Variants in BLTP2 observed in about 807,000 individuals in gnomAD.
BLTP2 encodes the protein U937-associated antigen.
At chr17:28,641,638 C>CT in the BLTP2 span, among the ~76,000 whole-genome samples, 418 of 146,998 alleles carry the variant, frequency 2.8e-3, 1 homozygote, top group Middle Eastern at 0.01. Context: ...AAGACTCCAT[C>CT]TTTTTTTTTA....
the BLTP2 span, among the ~76,000 whole-genome samples, chr17:28,625,505 T>C: frequency 1.3e-5 from 2 of 152,136 alleles, no homozygotes; most frequent in Non-Finnish European, 2.9e-5. Context: ...ATTATATTGA[T>C]ACCTTACTAG....
the BLTP2 span, chr17:28,639,679 TG>T: frequency 1.3e-6 from 2 of 1,593,182 alleles, no homozygotes; most frequent in Non-Finnish European, 1.7e-6. Context: ...AGGAGAGCAC[TG>T]GAAGGGCAAG....
At chr17:28,617,109 G>A in the BLTP2 span, 1 of 1,182,042 alleles carries the variant, frequency 8.5e-7, no homozygotes, top group South Asian at 1.3e-5. Context: ...GCTAAGCTGG[G>A]CAAGCTTTCA....
chr17:28,639,968 C>G, the BLTP2 span: 3 of 1,613,990 alleles, frequency 1.9e-6, no homozygotes, highest in African/African-American at 2.7e-5. Flanking sequence ...GAAGGGGCAG[C>G]TGATCCTCAT....
At chr17:28,641,305 A>G in the BLTP2 span, among the ~76,000 whole-genome samples, 1 of 152,182 alleles carries the variant, frequency 6.6e-6, no homozygotes, top group Admixed American at 6.5e-5. Context: ...GTGGATCCGC[A>G]CAGCTCAAAC....
chr17:28,627,557 C>T, the BLTP2 span, among the ~76,000 whole-genome samples: 2 of 152,144 alleles, frequency 1.3e-5, no homozygotes, highest in East Asian at 3.9e-4. Flanking sequence ...CAAGCACCCG[C>T]CACCATGCAC....
the BLTP2 span, chr17:28,616,077 G>A: frequency 6.3e-7 from 1 of 1,587,356 alleles, no homozygotes; most frequent in East Asian, 2.2e-5. This position sits in a 1 kb window ranked among gnomAD's most constrained non-coding sequence, Gnocchi z 4.8. Context: ...GTTCTACAAA[G>A]TGCTTGAGAG....
chr17:28,637,522 G>A, the BLTP2 span, among the ~76,000 whole-genome samples: 1 of 152,090 alleles, frequency 6.6e-6, no homozygotes. Context: ...GAAATACCAA[G>A]AAGTCTAATA....
chr17:28,620,374 C>T, the BLTP2 span: 17 of 1,004,676 alleles, frequency 1.7e-5, no homozygotes, highest in South Asian at 6.4e-5. Flanking sequence ...TTGTCACTGC[C>T]GACTAAGAGA....
the BLTP2 span, chr17:28,640,308 G>A: frequency 8.0e-6 from 4 of 499,150 alleles, no homozygotes; most frequent in African/African-American, 3.9e-5. Context: ...CAGGAGAATC[G>A]CTTGAACCTG....
chr17:28,635,778 TGCTGA>T, the BLTP2 span: 1 of 640,298 alleles, frequency 1.6e-6, no homozygotes, highest in African/African-American at 1.8e-5. Flanking sequence ...AGCACTAATG[TGCTGA>T]GCTGACAGTT....
At chr17:28,630,922 A>T in the BLTP2 span, among the ~76,000 whole-genome samples, 1 of 152,188 alleles carries the variant, frequency 6.6e-6, no homozygotes, top group Admixed American at 6.5e-5. Flanking sequence ...TACTATTTTT[A>T]GGAGAGAAAG....
chr17:28,633,041 G>A, the BLTP2 span: 1 of 1,587,148 alleles, frequency 6.3e-7, no homozygotes, highest in Non-Finnish European at 8.6e-7. Context: ...GGCACCTCAG[G>A]CAGGAACTCT....
At chr17:28,638,437 G>C in the BLTP2 span, 1 of 1,610,162 alleles carries the variant, frequency 6.2e-7, no homozygotes, top group Non-Finnish European at 8.5e-7. Flanking sequence ...TGAGAAAGAG[G>C]GATTGCATGG....
chr17:28,643,537 G>A, the BLTP2 span: 6 of 1,490,850 alleles, frequency 4.0e-6, no homozygotes, highest in Non-Finnish European at 5.6e-6. Flanking sequence ...TGCCTCTGCA[G>A]AAGAGTGTCA....
the BLTP2 span, chr17:28,631,493 G>A: frequency 7.4e-6 from 12 of 1,614,042 alleles, no homozygotes; most frequent in East Asian, 2.2e-5. Flanking sequence ...TCAGCTGTGC[G>A]ATTGCTATGC....
At chr17:28,628,654 G>C in the BLTP2 span, 1 of 1,026,236 alleles carries the variant, frequency 9.7e-7, no homozygotes, top group East Asian at 2.5e-5. Context: ...AAACCTGTTG[G>C]CCAGATGCCA....
the BLTP2 span, chr17:28,617,141 T>C: frequency 8.0e-7 from 1 of 1,253,310 alleles, no homozygotes; most frequent in Non-Finnish European, 1.2e-6. Context: ...CACCACATTG[T>C]TTTCCATAGT....
the BLTP2 span, among the ~76,000 whole-genome samples, chr17:28,637,380 GCA>G: frequency 6.6e-6 from 1 of 152,076 alleles, no homozygotes; most frequent in East Asian, 1.9e-4. Flanking sequence ...CCTACAAATT[GCA>G]CAGAGACATA....
Sources: allele counts gnomAD v4.1 joint callset (sites outside exome capture counted in the v4.1 genomes callset), GRCh38; gene constraint gnomAD v4.1.1; non-coding constraint Gnocchi (gnomAD v3.1); transcripts MANE v1.5; gene names NCBI Gene and HGNC (gene_info 2026-07-23, HGNC 2026-07-21).